ANO2: variants seen among roughly 807,000 people sequenced by gnomAD.
ANO2 encodes the protein anoctamin 2, also known as anoctamin-2.
In ANO2, 101 loss-of-function variants were observed where a neutral mutation model predicts 124.2. The ratio of observed to expected loss-of-function variants is 0.81; its 90% CI spans 0.69 to 0.96. The LOEUF (loss-of-function observed/expected upper bound fraction) is 0.96. Ranked by LOEUF, ANO2 falls within the 40% of genes least tolerant of loss-of-function variation. The pLI, the probability that ANO2 is intolerant of heterozygous loss-of-function variation, is 0.00. For missense variants in ANO2, 1,293 were observed against 1,274.5 expected, an observed-to-expected ratio of 1.01 and a Z score of -0.22; for synonymous variants, 486 against 482.5, an observed-to-expected ratio of 1.01 and a Z score of -0.09.
At chr12:5,583,812 G>T in intron 20 of ANO2, 1 of 176,816 alleles carries the variant, frequency 5.7e-6, no homozygotes, top group South Asian at 1.3e-4. Context: ...AGAGGTGGAG[G>T]AGACACTGAA....
intron 7 of ANO2, among the ~76,000 whole-genome samples, chr12:5,818,447 TTATATATATA>T (rs57443240): frequency 0.1 from 8,580 of 82,286 alleles, 672 homozygotes; most frequent in Middle Eastern, 0.16. Context: ...TAAACTCATA[TTATATATATA>T]TATATATATA....
At chr12:5,739,542 T>G in intron 12 of ANO2, 143 bp from the exon 13 acceptor site, 1 of 639,326 alleles carries the variant, frequency 1.6e-6, no homozygotes, top group East Asian at 2.9e-5. Flanking sequence ...TTTTTCCCAC[T>G]TCTAGGTGAA....
At chr12:5,794,114 G>A (rs1032470019) in intron 10 of ANO2, among the ~76,000 whole-genome samples, 1 of 152,218 alleles carries the variant, frequency 6.6e-6, no homozygotes, top group South Asian at 2.1e-4. Flanking sequence ...CACACCCTCA[G>A]AGGTAAAGGA....
chr12:5,585,891 A>G (rs1312968413), intron 20 of ANO2, among the ~76,000 whole-genome samples: 1 of 152,234 alleles, frequency 6.6e-6, no homozygotes, highest in South Asian at 2.1e-4. Context: ...AATGAAAATA[A>G]AATTAGGTTT....
rs901082049 is a variant in ANO2, at chr12:5,563,150, C to T, written c.*149G>A. ...TCCTTCCTACACTCATTCTGTCAGG[C>T]TCTTTCTTTTTACACACTGCCCCCT... On this transcript the variant is annotated 3_prime_UTR_variant, in exon 25 of 25. Transcript: ENST00000682330. 2 of 1,057,510 alleles carry T rather than the reference C, an allele frequency of 1.9e-6. No individual in the cohort carries two copies. Among genetic ancestry groups the T allele is most frequent in the Non-Finnish European group, 1.3e-6 (1 of 754,858 alleles). The allele number at this position is 1,057,510 out of a possible 1,614,324, so 65.5% of individuals were successfully genotyped here.
chr12:5,742,297 T>C (rs1443726713), intron 12 of ANO2, among the ~76,000 whole-genome samples: 1 of 152,212 alleles, frequency 6.6e-6, no homozygotes, highest in Non-Finnish European at 1.5e-5. Flanking sequence ...TAATTGTAAT[T>C]TGTAGACAAT....
chr12:5,713,257 A>T (rs1036008155), intron 14 of ANO2, among the ~76,000 whole-genome samples: 1 of 152,252 alleles, frequency 6.6e-6, no homozygotes, highest in African/African-American at 2.4e-5. Context: ...GGAGCAATTC[A>T]AAACAGCTCC....
intron 3 of ANO2, among the ~76,000 whole-genome samples, chr12:5,883,381 C>T (rs184956167): frequency 6.6e-6 from 1 of 152,232 alleles, no homozygotes; most frequent in East Asian, 1.9e-4. Flanking sequence ...ATGGAAATGT[C>T]ATTTAGCTGT....
chr12:5,788,292 G>T (rs1296346931), intron 10 of ANO2, among the ~76,000 whole-genome samples: 2 of 152,198 alleles, frequency 1.3e-5, no homozygotes, highest in Non-Finnish European at 2.9e-5. Context: ...AATGACCTTT[G>T]TTATAATCTG....
At chr12:5,920,701 T>C (rs1173808246) in intron 3 of ANO2, among the ~76,000 whole-genome samples, 1 of 151,834 alleles carries the variant, frequency 6.6e-6, no homozygotes, top group Non-Finnish European at 1.5e-5. Flanking sequence ...CCGTCTCTAC[T>C]AAAAAAATAC....
intron 3 of ANO2, among the ~76,000 whole-genome samples, chr12:5,864,100 G>A (rs949054649): frequency 6.6e-6 from 1 of 152,074 alleles, no homozygotes; most frequent in Non-Finnish European, 1.5e-5. Flanking sequence ...ACATGTCCTT[G>A]ACCCCTGTGG....
At chr12:5,588,178 A>C (rs543336578) in intron 20 of ANO2, among the ~76,000 whole-genome samples, 67 of 151,042 alleles carry the variant, frequency 4.4e-4, no homozygotes, top group Admixed American at 1.4e-3. Flanking sequence ...GGAACGGGGG[A>C]GGTCTAGCCA....
At chr12:5,937,984 CT>C (rs1349484843) in intron 1 of ANO2, among the ~76,000 whole-genome samples, 2 of 152,192 alleles carry the variant, frequency 1.3e-5, no homozygotes, top group East Asian at 3.9e-4. Context: ...CTTTCAACAT[CT>C]CCCAGTACCG....
chr12:5,863,122 T>C (rs1955323204), intron 3 of ANO2, among the ~76,000 whole-genome samples: 1 of 152,140 alleles, frequency 6.6e-6, no homozygotes, highest in African/African-American at 2.4e-5. Context: ...CCATTAAACC[T>C]CTTTTTCTTT....
At chr12:5,656,166 A>C (rs2136965863) in intron 14 of ANO2, among the ~76,000 whole-genome samples, 1 of 152,298 alleles carries the variant, frequency 6.6e-6, no homozygotes, top group East Asian at 1.9e-4. Context: ...TGAGTTTAAT[A>C]CCAGCACTTC....
rs1000815599 is a variant in ANO2 at position 5,904,353 on chromosome 12, C to T, written c.534+16687G>A. ...TGATCCCTGAGAAAAATGCAGCTGCCGCAAAGCAGGGTTACACTGAAGGGT... is the reference window on the plus strand; with the variant it reads ...TGATCCCTGAGAAAAATGCAGCTGCTGCAAAGCAGGGTTACACTGAAGGGT... On this transcript the variant is annotated intron_variant, in intron 3 of 24. Coordinates refer to ENST00000682330, the MANE Select transcript of ANO2 (RefSeq NM_001364791.2). This position sits in a 1 kb window ranked among gnomAD's most constrained non-coding sequence, Gnocchi z 4.1. 5.3e-5 allele frequency among the ~76,000 whole-genome samples: 8 copies of T among 152,134 alleles called. No individual in the cohort carries two copies. The highest frequency in any genetic ancestry group is 1.2e-4 in the African/African-American group (5 of 41,414).
intron 10 of ANO2, among the ~76,000 whole-genome samples, chr12:5,756,371 G>A (rs536506261): frequency 6.6e-6 from 1 of 152,114 alleles, no homozygotes; most frequent in Admixed American, 6.5e-5. Flanking sequence ...GTAAGTTACT[G>A]GAGTCTTTTT....
intron 23 of ANO2, among the ~76,000 whole-genome samples, chr12:5,567,522 C>T (rs1175670992): frequency 6.6e-6 from 1 of 152,200 alleles, no homozygotes; most frequent in Non-Finnish European, 1.5e-5. Context: ...CACTCCTTAC[C>T]ATGGGGAAAT....
intron 1 of ANO2, among the ~76,000 whole-genome samples, chr12:5,943,582 C>T (rs886499196): frequency 6.6e-5 from 10 of 152,000 alleles, no homozygotes; most frequent in African/African-American, 2.2e-4. Context: ...GGTGAGGAGG[C>T]ACTAAAATCT....
Sources: gnomAD v4.1 joint callset for allele counts (sites outside exome capture counted in the v4.1 genomes callset) on GRCh38, gnomAD v4.1.1 for gene constraint, Gnocchi (gnomAD v3.1) non-coding constraint, MANE v1.5 for transcripts, NCBI Gene and HGNC (gene_info 2026-07-23, HGNC 2026-07-21) for gene names.